Variants in SDHA observed in about 807,000 individuals in gnomAD.
The protein encoded by SDHA is succinate dehydrogenase [ubiquinone] flavoprotein subunit, mitochondrial.
In SDHA, 48 loss-of-function variants were observed where a neutral mutation model predicts 78.4. The ratio of observed to expected loss-of-function variants is 0.61; its 90% CI spans 0.49 to 0.78. The LOEUF is 0.78. Ranked by LOEUF, SDHA falls within the 30% of genes least tolerant of loss-of-function variation. The probability of loss-of-function intolerance (pLI) is 0.00; values close to 1 mark genes in which losing one functional copy is unlikely to be tolerated. For missense variants in SDHA, 680 were observed against 892.7 expected (o/e 0.76, Z 3.04); for synonymous variants, 326 against 353.9 (o/e 0.92, Z 0.88).
At chr5:268,339 C>G in the SDHA span, among the ~76,000 whole-genome samples, 7 of 152,044 alleles carry the variant, frequency 4.6e-5, no homozygotes, top group Non-Finnish European at 1.0e-4. Context: ...CCTGCCACCA[C>G]GTCTGGCTAA....
chr5:258,278 A>G (rs1737334787), downstream of SDHA, among the ~76,000 whole-genome samples: 3 of 115,918 alleles, frequency 2.6e-5, no homozygotes, highest in Middle Eastern at 0.012. Context: ...TTAGAGCATT[A>G]CTATGTGAGC....
At chr5:249,142 C>G (rs1236530857) in intron 11 of SDHA, 2 of 411,182 alleles carry the variant, frequency 4.9e-6, no homozygotes, top group Non-Finnish European at 9.4e-6. Flanking sequence ...GACAGATTAG[C>G]AGCTGGTAAT....
intron 10 of SDHA, among the ~76,000 whole-genome samples, chr5:239,573 A>AG (rs1736012628): frequency 6.7e-6 from 1 of 150,166 alleles, no homozygotes; most frequent in African/African-American, 2.5e-5. Context: ...AAAAAAAAAA[A>AG]TTGCTAATCT....
At chr5:241,260 T>A (rs10061678) in intron 11 of SDHA, among the ~76,000 whole-genome samples, 1 of 151,980 alleles carries the variant, frequency 6.6e-6, no homozygotes, top group African/African-American at 2.4e-5. Context: ...GCAGGACCGC[T>A]GGAGAAGCTC....
At chr5:266,898 G>A in the SDHA span, among the ~76,000 whole-genome samples, 8 of 104,240 alleles carry the variant, frequency 7.7e-5, no homozygotes, top group South Asian at 7.2e-4. Context: ...ATTCAGTCCC[G>A]TGCAGTAGAC....
Position 256,823 on chromosome 5 carries a change from CT to C in SDHA, c.*407del, listed in dbSNP as rs758468864. 2 of 227,808 alleles carry C rather than the reference CT, an allele frequency of 8.8e-6. No homozygotes were observed. The highest frequency in any genetic ancestry group is 5.3e-5 in the African/African-American group (2 of 37,988). The allele number at this position is 227,808 out of a possible 1,614,324, so 14.1% of individuals were successfully genotyped here. ...TTTGTATAGTTTCTTTTTTCTTTTT[CT>C]TTTCTTTTTTTTTTTTGAGACAGGA... is the stretch of plus-strand genomic sequence containing the variant. On this transcript the variant is annotated 3_prime_UTR_variant, in exon 15 of 15. Coordinates refer to ENST00000264932, the MANE Select transcript of SDHA (RefSeq NM_004168.4).
At position 221,704 on chromosome 5, in the gene SDHA, T is replaced by G. The variant is rs1240946187; in HGVS notation, c.64-1778T>G. 2.0e-5 allele frequency among the ~76,000 whole-genome samples: 3 copies of G among 152,188 alleles called. No homozygotes were observed. The East Asian group carries it at 5.8e-4, about 29-fold the overall frequency. Reference sequence around the variant, plus strand: ...AACAATTGGCACAAAAGACTAGTTTTGTGTCAAAACTAGTTTTGAGTTTTA... The same window carrying G: ...AACAATTGGCACAAAAGACTAGTTTGGTGTCAAAACTAGTTTTGAGTTTTA... On this transcript the variant is annotated intron_variant, in intron 1 of 14. Coordinates refer to ENST00000264932, the MANE Select transcript of SDHA (RefSeq NM_004168.4).
rs1282899990 is a variant in SDHA, at chr5:222,117, T to C, written c.64-1365T>C. Among the ~76,000 whole-genome samples, 3 of 152,164 alleles carry C rather than the reference T, an allele frequency of 2.0e-5. No homozygotes were observed. The East Asian group carries it at 5.8e-4, about 29-fold the overall frequency. On this transcript the variant is annotated intron_variant, in intron 1 of 14. Transcript: ENST00000264932. The stretch of plus-strand genomic sequence containing the variant: ...AAAATATGATTTTACCATGCAAAAA[T>C]TTTACTAAGGTAGAAGAATATTTGT...
In SDHA at chr5:225,906, T is replaced by C. The variant is rs1060503711; in HGVS notation, c.480T>C (p.Phe160=). The C allele has an allele frequency of 3.1e-6, 5 of 1,613,272 alleles. No homozygotes were observed. Among genetic ancestry groups the C allele is most frequent in the African/African-American group, 2.7e-5 (2 of 75,018 alleles). Residue 160 remains phenylalanine (F), a synonymous_variant, in exon 5 of 15, where the codon TTT becomes TTC. Coordinates refer to ENST00000264932, the MANE Select transcript of SDHA (RefSeq NM_004168.4). The part of the protein sequence containing the change: ...VVELENYGMP[F]SRTEDGKIYQ... Reference sequence around the variant, plus strand: ...AGCTAGAAAATTATGGCATGCCGTTTAGCAGAACTGAAGATGGGAAGATTT... The same window carrying C: ...AGCTAGAAAATTATGGCATGCCGTTCAGCAGAACTGAAGATGGGAAGATTT...
intron 11 of SDHA, among the ~76,000 whole-genome samples, chr5:246,953 A>C (rs1398260729): frequency 6.9e-6 from 1 of 145,410 alleles, no homozygotes; most frequent in East Asian, 1.9e-4. Flanking sequence ...CATTTAGCTG[A>C]CTTTGTGGGT....
intron 7 of SDHA, among the ~76,000 whole-genome samples, chr5:233,177 G>C (rs994190598): frequency 2.0e-5 from 3 of 152,160 alleles, no homozygotes; most frequent in African/African-American, 7.2e-5. Flanking sequence ...AACAAAATTT[G>C]AGGCATCCAA....
chr5:268,165 T>C, the SDHA span, among the ~76,000 whole-genome samples: 1 of 151,378 alleles, frequency 6.6e-6, no homozygotes, highest in African/African-American at 2.4e-5. Context: ...CATATGAGTA[T>C]GCACGCAGGG....
At chr5:232,071 G>C (rs1361545250) in intron 7 of SDHA, among the ~76,000 whole-genome samples, 1 of 152,156 alleles carries the variant, frequency 6.6e-6, no homozygotes, top group Non-Finnish European at 1.5e-5. Flanking sequence ...TACTTTTCTG[G>C]GTTGCTTTTC....
At chr5:246,437 C>T (rs1050142304) in intron 11 of SDHA, among the ~76,000 whole-genome samples, 4 of 151,708 alleles carry the variant, frequency 2.6e-5, no homozygotes, top group Non-Finnish European at 4.4e-5. Context: ...AGAGAAGACT[C>T]GAGCTGCGGC....
downstream of SDHA, among the ~76,000 whole-genome samples, chr5:257,392 C>T (rs1159704548): frequency 6.8e-6 from 1 of 147,006 alleles, no homozygotes; most frequent in African/African-American, 2.6e-5. Flanking sequence ...TGAGCTCCGC[C>T]CCCTGCCAGA....
intron 11 of SDHA, among the ~76,000 whole-genome samples, chr5:243,586 CA>C (rs2126611851): frequency 6.6e-6 from 1 of 152,260 alleles, no homozygotes; most frequent in Admixed American, 6.5e-5. Flanking sequence ...AGGTAGAGAA[CA>C]ATACCCTTCC....
intron 9 of SDHA, 159 bp downstream of exon 9, chr5:235,498 A>C: frequency 1.3e-6 from 1 of 751,518 alleles, no homozygotes; most frequent in South Asian, 1.5e-5. Flanking sequence ...CTATTACCGG[A>C]GGATGGAGGG....
chr5:254,564 T>C (rs1274641004), intron 14 of SDHA, 58 bp downstream of exon 14: 6 of 1,497,492 alleles, frequency 4.0e-6, no homozygotes, highest in Non-Finnish European at 5.4e-6. Flanking sequence ...CGCCCAGGCC[T>C]GCGGGCTGGC....
At chr5:233,905 G>A in intron 8 of SDHA, 1 of 454,528 alleles carries the variant, frequency 2.2e-6, no homozygotes. Context: ...GTATGGGAGA[G>A]AGAGACACAC....
Sources: gnomAD v4.1 joint callset for allele counts (sites outside exome capture counted in the v4.1 genomes callset) on GRCh38, gnomAD v4.1.1 for gene constraint, MANE v1.5 for transcripts, NCBI Gene and HGNC (gene_info 2026-07-23, HGNC 2026-07-21) for gene names.